Variants in HERC3 observed in about 807,000 individuals in gnomAD.
The protein encoded by HERC3 is HECT and RLD domain containing E3 ubiquitin protein ligase 3, also known as probable E3 ubiquitin-protein ligase HERC3.
HERC3 carries 58 observed loss-of-function variants against 129.9 expected under a neutral mutation model. The ratio of observed to expected loss-of-function variants is 0.45; its 90% confidence interval spans 0.36 to 0.56. The LOEUF is 0.56. Ranked by LOEUF, HERC3 falls within the 20% of genes least tolerant of loss-of-function variation. The probability of loss-of-function intolerance (pLI) is 0.00; values close to 1 mark genes in which losing one functional copy is unlikely to be tolerated. For synonymous variants in HERC3, 430 were observed against 451.0 expected, an observed-to-expected ratio of 0.95 and a Z score of 0.59; for missense variants, 835 against 1,244.2, an observed-to-expected ratio of 0.67 and a Z score of 4.95.
intron 11 of HERC3, 98 bp from the exon 12 acceptor site, chr4:88,664,055 G>A (rs1730790260): frequency 1.0e-6 from 1 of 972,204 alleles, no homozygotes; most frequent in Non-Finnish European, 1.5e-6. Context: ...TGCTATTAAT[G>A]AAATCCTTGA....
At chr4:88,543,947 G>A in the HERC3 span, among the ~76,000 whole-genome samples, 1 of 152,144 alleles carries the variant, frequency 6.6e-6, no homozygotes, top group African/African-American at 2.4e-5. Context: ...TTAAATGTAA[G>A]ATCTAAAACC....
intron 3 of HERC3, among the ~76,000 whole-genome samples, chr4:88,643,737 T>G (rs1728387499): frequency 6.6e-6 from 1 of 152,156 alleles, no homozygotes; most frequent in Non-Finnish European, 1.5e-5. Flanking sequence ...TTAAAACAAT[T>G]AACTCAAAAT....
chr4:88,677,678 A>G (rs2149312186), intron 18 of HERC3, among the ~76,000 whole-genome samples: 1 of 152,302 alleles, frequency 6.6e-6, no homozygotes, highest in Non-Finnish European at 1.5e-5. Context: ...TTCTTCAAGC[A>G]TGATACTATT....
chr4:88,664,006 G>A, intron 11 of HERC3, 147 bp from the exon 12 acceptor site: 1 of 547,246 alleles, frequency 1.8e-6, no homozygotes, highest in Admixed American at 3.6e-5. Flanking sequence ...TTTTTCTAAA[G>A]CAAATGTACA....
chr4:88,556,781 A>C, the HERC3 span, among the ~76,000 whole-genome samples: 1 of 148,456 alleles, frequency 6.7e-6, no homozygotes, highest in East Asian at 2.0e-4. Context: ...CTAATTTCAA[A>C]TTCCTCTCCA....
At chr4:88,649,595 T>C (rs997433333) in intron 3 of HERC3, among the ~76,000 whole-genome samples, 2 of 152,144 alleles carry the variant, frequency 1.3e-5, no homozygotes, top group African/African-American at 4.8e-5. Context: ...AGGGAACATC[T>C]GGGATGTGTG....
upstream of HERC3, among the ~76,000 whole-genome samples, chr4:88,589,985 C>A (rs1721620633): frequency 6.6e-6 from 1 of 152,172 alleles, no homozygotes. Context: ...AACACTTGAG[C>A]CGGCCGGCAC....
chr4:88,626,099 G>A (rs1211129751), intron 3 of HERC3, among the ~76,000 whole-genome samples: 2 of 152,046 alleles, frequency 1.3e-5, no homozygotes, highest in African/African-American at 4.8e-5. Context: ...TAGTGTCTTT[G>A]GTTTTATTAT....
At chr4:88,641,278 G>T (rs565735796) in intron 3 of HERC3, among the ~76,000 whole-genome samples, 12 of 152,324 alleles carry the variant, frequency 7.9e-5, no homozygotes, top group Admixed American at 4.6e-4. Context: ...TGAAAATATG[G>T]TTTATCAAAA....
chr4:88,678,750 C>T (rs1315475313), intron 19 of HERC3, among the ~76,000 whole-genome samples: 4 of 152,142 alleles, frequency 2.6e-5, no homozygotes, highest in Admixed American at 6.5e-5. Flanking sequence ...TATTGCTAAT[C>T]TTGTTATGAG....
chr4:88,679,507 A>C (rs995583854), intron 19 of HERC3, among the ~76,000 whole-genome samples: 2 of 150,700 alleles, frequency 1.3e-5, no homozygotes, highest in African/African-American at 2.4e-5. Context: ...TTCTGCGCTT[A>C]AGTAGATGGT....
At chr4:88,555,309 AAATTATATGG>A in the HERC3 span, among the ~76,000 whole-genome samples, 3 of 151,942 alleles carry the variant, frequency 2.0e-5, no homozygotes, top group African/African-American at 7.2e-5. Flanking sequence ...AAAGAAAAAG[AAATTATATGG>A]AATTATATGG....
intron 3 of HERC3, among the ~76,000 whole-genome samples, chr4:88,625,637 C>T (rs554642670): frequency 9.2e-5 from 14 of 152,042 alleles, no homozygotes; most frequent in African/African-American, 3.4e-4. Flanking sequence ...CATTTTCTTG[C>T]CTTATTTCAC....
At chr4:88,568,109 C>A in the HERC3 span, among the ~76,000 whole-genome samples, 363 of 152,350 alleles carry the variant, frequency 2.4e-3, no homozygotes, top group Non-Finnish European at 4.0e-3. Flanking sequence ...GATTCTTGTT[C>A]TCTTCCCTTA....
chr4:88,585,660 G>T, the HERC3 span, among the ~76,000 whole-genome samples: 1 of 151,778 alleles, frequency 6.6e-6, no homozygotes, highest in Non-Finnish European at 1.5e-5. Flanking sequence ...ATTTTTGGCA[G>T]GTATGTGGGA....
At chr4:88,588,676 T>C (rs1578119059), upstream of HERC3, among the ~76,000 whole-genome samples, 1 of 152,222 alleles carries the variant, frequency 6.6e-6, no homozygotes, top group Non-Finnish European at 1.5e-5. Flanking sequence ...ACCAAGTAAA[T>C]ATTTGTCTGC....
chr4:88,688,675 T>C (rs1421595327), intron 23 of HERC3, among the ~76,000 whole-genome samples: 1 of 152,184 alleles, frequency 6.6e-6, no homozygotes, highest in Non-Finnish European at 1.5e-5. Flanking sequence ...GGTGATTGTG[T>C]TTAGAGCAGA....
At chr4:88,552,154 G>T in the HERC3 span, among the ~76,000 whole-genome samples, 1 of 150,854 alleles carries the variant, frequency 6.6e-6, no homozygotes, top group Admixed American at 6.6e-5. Context: ...GGAGGCGGGA[G>T]GGATAGCATT....
intron 3 of HERC3, among the ~76,000 whole-genome samples, chr4:88,643,813 C>T (rs1241380521): frequency 2.6e-5 from 4 of 152,102 alleles, no homozygotes; most frequent in African/African-American, 9.7e-5. Context: ...AGGAGAAATT[C>T]TTCATAACCT....
Sources: allele counts gnomAD v4.1 joint callset (sites outside exome capture counted in the v4.1 genomes callset), GRCh38; gene constraint gnomAD v4.1.1; transcripts MANE v1.5; gene names NCBI Gene and HGNC (gene_info 2026-07-23, HGNC 2026-07-21).